Variants in ZNF217 observed in about 807,000 individuals in gnomAD.
ZNF217 encodes zinc finger protein 217.
A neutral mutation model predicts 73.3 loss-of-function variants in ZNF217; 12 were observed. That is an observed-to-expected ratio of 0.16 (90% CI 0.10 to 0.27). The LOEUF is 0.27. Ranked by LOEUF, ZNF217 falls within the 10% of genes least tolerant of loss-of-function variation. The probability of loss-of-function intolerance (pLI) is 1.00; values close to 1 mark genes in which losing one functional copy is unlikely to be tolerated. For synonymous variants in ZNF217, 588 were observed against 516.4 expected (o/e 1.14, Z -1.88); for missense variants, 1,195 against 1,327.8 (o/e 0.90, Z 1.55).
At chr20:53,577,979 G>A (rs1171286247) in intron 3 of ZNF217, among the ~76,000 whole-genome samples, 3 of 152,148 alleles carry the variant, frequency 2.0e-5, no homozygotes, top group African/African-American at 4.8e-5. Flanking sequence ...GGGTGTGGTG[G>A]CAGGTACCTG....
intron 1 of ZNF217, among the ~76,000 whole-genome samples, chr20:53,593,264 C>G (rs1374554067): frequency 2.6e-4 from 40 of 152,134 alleles, no homozygotes; most frequent in Admixed American, 2.6e-3. Flanking sequence ...GGGGGATGCC[C>G]GTCCGGACGC....
intron 1 of ZNF217, among the ~76,000 whole-genome samples, chr20:53,591,748 A>C (rs1220839956): frequency 6.6e-6 from 1 of 152,236 alleles, no homozygotes; most frequent in Non-Finnish European, 1.5e-5. Context: ...GACAAAAAGC[A>C]ATGAGGTTAT....
At chr20:53,595,669 A>AT (rs1158729248), upstream of ZNF217, among the ~76,000 whole-genome samples, 1 of 152,224 alleles carries the variant, frequency 6.6e-6, no homozygotes, top group South Asian at 2.1e-4. Context: ...AATTGGGTGA[A>AT]TTTTTTTTCA....
In ZNF217 at chr20:53,581,561, A is replaced by C. The variant is rs920284652; in HGVS notation, c.1266T>G (p.Pro422=). ...VDGRQPGTCS[P]DLAAPLDENG... is the part of the protein sequence containing the mutation. ...TTTCATCCAGAGGGGCGGCGAGGTC[A>C]GGAGAACACGTCCCCGGCTGCCTCC... Residue 422 remains proline (P), a synonymous_variant, in exon 2 of 6, where the codon CCT becomes CCG. Transcript: ENST00000371471. This position sits in a 1 kb window ranked among gnomAD's most constrained non-coding sequence, Gnocchi z 4.9. The C allele has an allele frequency of 6.2e-7, 1 of 1,614,232 alleles. No individual in the cohort carries two copies. Among genetic ancestry groups the C allele is most frequent in the Non-Finnish European group, 8.5e-7 (1 of 1,180,034 alleles).
At position 53,576,494 on chromosome 20, in the gene ZNF217, G is replaced by A; in HGVS notation, c.2270C>T (p.Pro757Leu). The change falls in exon 4 of 6, where the codon CCG (proline) becomes CTG (leucine). Residue 757 changes from proline (P) to leucine (L), a missense_variant. Physicochemically the swap from Pro to Leu is moderately conservative, Grantham distance 98. Around this residue, in one of 9 missense-constraint regions of ZNF217, gnomAD observed 649 missense variants for 642.8 expected, o/e 1.01. Transcript: ENST00000371471. ...CACATCTTTTCCCAGCAACGCTGGC[G>A]GGCATCCGGTACGTCGACTTCTAAG... ...SLLRSRRTGC[P>L]PALLGKDVPP... is the part of the protein sequence containing the mutation. 4 of 1,614,228 alleles carry A rather than the reference G, an allele frequency of 2.5e-6. No individual in the cohort carries two copies. The highest frequency in any genetic ancestry group is 1.3e-5 in the African/African-American group (1 of 75,048).
In ZNF217 at chr20:53,576,079, C is replaced by A; in HGVS notation, c.2685G>T (p.Pro895=). The A allele has an allele frequency of 6.2e-7, 1 of 1,614,186 alleles. No homozygotes were observed. The highest frequency in any genetic ancestry group is 8.5e-7 in the Non-Finnish European group (1 of 1,180,036). ...TCCGATTACAGAAATAGTCTCTTCC[C>A]GGAGGTGCCCACGGGCTGTCGTTCT... ...PAKNDSPWAP[P]GRDYFCNRSA... The change falls in exon 4 of 6, where the codon CCG becomes CCT. Residue 895 remains proline, a synonymous_variant. Coordinates refer to ENST00000371471, the MANE Select transcript of ZNF217 (RefSeq NM_006526.3).
chr20:53,576,230 G>C lies in ZNF217; in HGVS notation c.2534C>G (p.Thr845Ser). 1 of 1,614,242 alleles carries C rather than the reference G, an allele frequency of 6.2e-7. No individual in the cohort carries two copies. The highest frequency in any genetic ancestry group is 8.5e-7 in the Non-Finnish European group (1 of 1,180,032). Residue 845 changes from threonine to serine, a missense_variant, in exon 4 of 6, where the codon ACC becomes AGC. Physicochemically the swap from Thr to Ser is moderately conservative, Grantham distance 58. Coordinates refer to ENST00000371471, the MANE Select transcript of ZNF217 (RefSeq NM_006526.3). The part of the protein sequence containing the change: ...RQQQSEMFPK[T>S]SVSPAPDKTK... ...CTTATCCGGTGCAGGGGAAACACTG[G>C]TTTTAGGAAACATCTCAGATTGCTG...
intron 5 of ZNF217, 49 bp downstream of exon 5, chr20:53,571,672 G>A: frequency 1.3e-6 from 2 of 1,561,684 alleles, no homozygotes; most frequent in Non-Finnish European, 8.6e-7. Context: ...CTCCCAAATG[G>A]CCACCGCACT....
chr20:53,591,217 T>TTACTA (rs1988867210), intron 1 of ZNF217, among the ~76,000 whole-genome samples: 5 of 152,100 alleles, frequency 3.3e-5, no homozygotes, highest in Admixed American at 3.3e-4. Context: ...ATCTCACAAG[T>TTACTA]TACTAAAAAA....
chr20:53,594,762 C>A (rs1178810572), upstream of ZNF217, among the ~76,000 whole-genome samples: 8 of 152,158 alleles, frequency 5.3e-5, no homozygotes, highest in East Asian at 1.5e-3. Context: ...CTGGGTCACC[C>A]CGAATTACAA....
Position 53,582,490 on chromosome 20 carries a change from C to T in ZNF217, c.337G>A (p.Val113Met), listed in dbSNP as rs143693065. The T allele has an allele frequency of 6.2e-7, 1 of 1,614,048 alleles. No homozygotes were observed. Among genetic ancestry groups the T allele is most frequent in the African/African-American group, 1.3e-5 (1 of 74,916 alleles). ...TTTTCCTTGGGAGGTTCTGTTCGCA[C>T]TTGACTTTTATCAAGCGGACTGAGA... Reference protein sequence around the residue: ...EYLSPLDKSQVRTEPPKEKNC... With the variant: ...EYLSPLDKSQMRTEPPKEKNC... Residue 113 changes from valine (V) to methionine (M), a missense_variant, in exon 2 of 6, where the codon GTG becomes ATG. Physicochemically the swap from Val to Met is conservative, Grantham distance 21 (BLOSUM62 1). Around this residue, in one of 9 missense-constraint regions of ZNF217, gnomAD observed 147 missense variants for 184.3 expected, o/e 0.80. Transcript: ENST00000371471. The surrounding 1 kb of genome is among the most constrained non-coding windows in gnomAD (Gnocchi z 4.8).
At position 53,581,367 on chromosome 20, in the gene ZNF217, G is replaced by A; in HGVS notation, c.1366+94C>T. The stretch of plus-strand genomic sequence containing the variant: ...TCTGGCTCTCCAAACCCCATTCCTG[G>A]CCAGCGTTGTCTGGAGATGGGAATA... On this transcript the variant is annotated intron_variant, in intron 2 of 5. Transcript: ENST00000371471. This position sits in a 1 kb window ranked among gnomAD's most constrained non-coding sequence, Gnocchi z 4.9. The A allele has an allele frequency of 3.4e-6, 5 of 1,489,554 alleles. No homozygotes were observed. Among genetic ancestry groups the A allele is most frequent in the Non-Finnish European group, 4.5e-6 (5 of 1,120,578 alleles). 92.3% of individuals were successfully genotyped at this position (1,489,554 alleles called of 1,614,324 possible). A position where few individuals can be genotyped will look rare whatever the true frequency, so the allele number is the denominator to read the frequency against.
intron 3 of ZNF217, 136 bp from the exon 4 acceptor site, chr20:53,577,416 A>C: frequency 1.3e-6 from 1 of 783,672 alleles, no homozygotes; most frequent in Non-Finnish European, 2.0e-6. Flanking sequence ...ATTTCTCATC[A>C]GTTCTTTATC....
chr20:53,584,370 A>G (rs1361161749), intron 1 of ZNF217, among the ~76,000 whole-genome samples: 1 of 152,260 alleles, frequency 6.6e-6, no homozygotes, highest in African/African-American at 2.4e-5. Flanking sequence ...AGAGAAGCCA[A>G]GGAAACATCT....
At chr20:53,595,294 GCTA>G (rs1284255702), upstream of ZNF217, among the ~76,000 whole-genome samples, 1 of 152,092 alleles carries the variant, frequency 6.6e-6, no homozygotes, top group Non-Finnish European at 1.5e-5. Flanking sequence ...TATGCAAGTC[GCTA>G]CTAACAAAAT....
At chr20:53,589,666 G>A (rs1988815391) in intron 1 of ZNF217, among the ~76,000 whole-genome samples, 1 of 152,120 alleles carries the variant, frequency 6.6e-6, no homozygotes, top group African/African-American at 2.4e-5. Context: ...AAAAACCTTT[G>A]CCCCAGATAC....
Position 53,575,896 on chromosome 20 carries a change from C to A in ZNF217, c.2868G>T (p.Pro956=). The A allele has an allele frequency of 6.2e-7, 1 of 1,614,162 alleles. No homozygotes were observed. Among genetic ancestry groups the A allele is most frequent in the Non-Finnish European group, 8.5e-7 (1 of 1,180,020 alleles). ...HMVRGITSLL[P]QDCVYPSQAL... is the part of the protein sequence containing the mutation. ...CCTGCGACGGATACACACAGTCCTG[C>A]GGTAACAGTGATGTGATGCCTCTGA... The change falls in exon 4 of 6, where the codon CCG becomes CCT. Residue 956 remains proline (P), a synonymous_variant. Transcript: ENST00000371471.
Position 53,576,257 on chromosome 20 carries a change from T to C in ZNF217, c.2507A>G (p.Gln836Arg). The change falls in exon 4 of 6, where the codon CAA (glutamine) becomes CGA (arginine). Residue 836 changes from glutamine to arginine, a missense_variant. By Grantham distance (43) the Gln-to-Arg change is conservative (BLOSUM62 1). Around this residue, in one of 9 missense-constraint regions of ZNF217, gnomAD observed 649 missense variants for 642.8 expected, o/e 1.01. Transcript: ENST00000371471. ...NVGVQGAATR[Q>R]QQSEMFPKTS... is the part of the protein sequence containing the mutation. ...TTTAGGAAACATCTCAGATTGCTGT[T>C]GCCTGGTGGCGGCCCCTTGGACCCC... The C allele has an allele frequency of 6.2e-7, 1 of 1,614,244 alleles. No homozygotes were observed.
chr20:53,571,969 A>G, intron 4 of ZNF217, 116 bp from the exon 5 acceptor site: 1 of 1,020,854 alleles, frequency 9.8e-7, no homozygotes, highest in Non-Finnish European at 1.4e-6. Context: ...ATCAACGCCT[A>G]AGTCACACAG....
Sources: gnomAD v4.1 joint callset for allele counts (sites outside exome capture counted in the v4.1 genomes callset) on GRCh38, gnomAD v4.1.1 for gene constraint, gnomAD v4.1.1 regional missense constraint, Gnocchi (gnomAD v3.1) non-coding constraint, MANE v1.5 for transcripts, NCBI Gene and HGNC (gene_info 2026-07-23, HGNC 2026-07-21) for gene names.